The following SYNM variants were observed in gnomAD, a reference collection of about 807,000 sequenced individuals.
SYNM encodes desmuslin.
A neutral mutation model predicts 104.0 loss-of-function variants in SYNM; 95 were observed. The observed-to-expected ratio is 0.91, with a 90% CI of 0.77 to 1.08. SYNM has a LOEUF of 1.08. Ranked by LOEUF, SYNM falls within the 50% of genes least tolerant of loss-of-function variation. SYNM has a pLI of 0.00. For synonymous variants in SYNM, 918 were observed against 869.0 expected, an observed-to-expected ratio of 1.06 and a Z score of -0.99; for missense variants, 2,150 against 2,052.2, an observed-to-expected ratio of 1.05 and a Z score of -0.92.
intron 2 of SYNM, among the ~76,000 whole-genome samples, chr15:99,120,441 C>A (rs1356814617): frequency 3.9e-5 from 6 of 152,136 alleles, no homozygotes; most frequent in Non-Finnish European, 7.4e-5. Flanking sequence ...GAGGACTGTG[C>A]TAGTGTGGTA....
intron 1 of SYNM, among the ~76,000 whole-genome samples, chr15:99,107,916 A>G (rs1555482979): frequency 6.7e-6 from 1 of 148,612 alleles, no homozygotes; most frequent in African/African-American, 2.5e-5. Flanking sequence ...GAAAATGTCA[A>G]TAAGGACCTG....
At chr15:99,118,377 CATTTGATCTCT>C (rs2067369803) in intron 2 of SYNM, among the ~76,000 whole-genome samples, 1 of 152,216 alleles carries the variant, frequency 6.6e-6, no homozygotes, top group South Asian at 2.1e-4. Context: ...CTAAAGTGCT[CATTTGATCTCT>C]GCAAACCTTG....
intron 1 of SYNM, among the ~76,000 whole-genome samples, chr15:99,106,408 C>T (rs2067244311): frequency 6.6e-6 from 1 of 152,194 alleles, no homozygotes; most frequent in African/African-American, 2.4e-5. Context: ...GCAGAAGTGA[C>T]GGCTTATGGT....
rs556235391 is a variant in SYNM at position 99,105,316 on chromosome 15, G to A, written c.117G>A (p.Leu39=). Residue 39 remains leucine (L), a synonymous_variant, in exon 1 of 4, where the codon CTG becomes CTA. Transcript: ENST00000336292. ...VRELERENLL[L]EEELRGRRGR... ...AGCTGGAGCGCGAAAACCTACTCCT[G>A]GAGGAGGAGCTGCGCGGCCGGCGCG... The A allele has an allele frequency of 5.3e-4, 821 of 1,545,734 alleles. 1 individual carries two copies. The highest frequency in any genetic ancestry group is 6.7e-4 in the Non-Finnish European group (768 of 1,146,756).
At position 99,118,973 on chromosome 15, in the gene SYNM, G is replaced by C. The variant is rs1180807720; in HGVS notation, c.935+5258G>C. Among the ~76,000 whole-genome samples, 7 of 152,386 alleles carry C rather than the reference G, an allele frequency of 4.6e-5. No individual in the cohort carries two copies. The East Asian group carries it at 1.3e-3, about 29-fold the overall frequency. On this transcript the variant is annotated intron_variant, in intron 2 of 3. Coordinates refer to ENST00000336292, the MANE Select transcript of SYNM (RefSeq NM_145728.3). Reference sequence around the variant, plus strand: ...AGAGAGGAGACACACCCTGCCTGCAGCTGGCACCAGGCTGTACTGGCTCTT... The same window carrying C: ...AGAGAGGAGACACACCCTGCCTGCACCTGGCACCAGGCTGTACTGGCTCTT...
chr15:99,140,229 G>A (rs2068068873), downstream of SYNM: 2 of 153,546 alleles, frequency 1.3e-5, no homozygotes, highest in Admixed American at 6.4e-5. Context: ...CAATAAATGG[G>A]TACTGGGACC....
At chr15:99,137,955 A>G, downstream of SYNM, 10 of 1,608,932 alleles carry the variant, frequency 6.2e-6, no homozygotes, top group African/African-American at 1.3e-5. Flanking sequence ...TGATTTGTAC[A>G]GCACCCTAAA....
In SYNM at chr15:99,105,329, C is replaced by A. The variant is rs2067220370; in HGVS notation, c.130C>A (p.Arg44Ser). 3 of 1,541,046 alleles carry A rather than the reference C, an allele frequency of 1.9e-6. No individual in the cohort carries two copies. Among genetic ancestry groups the A allele is most frequent in the Non-Finnish European group, 8.7e-7 (1 of 1,145,694 alleles). ...AAACCTACTCCTGGAGGAGGAGCTG[C>A]GCGGCCGGCGCGGGCGAGAGGGCCT... The part of the protein sequence containing the change: ...RENLLLEEEL[R>S]GRRGREGLWA... Residue 44 changes from arginine (R) to serine (S), a missense_variant, in exon 1 of 4, where the codon CGC becomes AGC. Transcript: ENST00000336292.
At position 99,132,319 on chromosome 15, in the gene SYNM, C is replaced by T. The variant is rs377458434; in HGVS notation, c.3959C>T (p.Thr1320Ile). 68 of 1,612,170 alleles carry T rather than the reference C, an allele frequency of 4.2e-5. No homozygotes were observed. Among genetic ancestry groups the T allele is most frequent in the Non-Finnish European group, 5.3e-5 (63 of 1,178,522 alleles). Residue 1320 changes from threonine to isoleucine, a missense_variant, in exon 4 of 4, where the codon ACC becomes ATC. Physicochemically the swap from Thr to Ile is moderately conservative, Grantham distance 89. Coordinates refer to ENST00000336292, the MANE Select transcript of SYNM (RefSeq NM_145728.3). Reference sequence around the variant, plus strand: ...AGCATTGGGCCTCAGAGGCATCAGACCACCCAGCAGATAGTTTACCATGGG... The same window carrying T: ...AGCATTGGGCCTCAGAGGCATCAGATCACCCAGCAGATAGTTTACCATGGG... ...HISIGPQRHQ[T>I]TQQIVYHGLV...
In SYNM at chr15:99,131,165, C is replaced by G. The variant is rs782731235; in HGVS notation, c.2805C>G (p.Thr935=). The G allele has an allele frequency of 6.2e-7, 1 of 1,605,040 alleles. No homozygotes were observed. Among genetic ancestry groups the G allele is most frequent in the Non-Finnish European group, 8.5e-7 (1 of 1,175,662 alleles). ...KEIKIPHEFH[T]SMKGISSKEP... is the part of the protein sequence containing the mutation. Reference sequence around the variant, plus strand: ...TTAAAATACCCCACGAATTCCACACCTCCATGAAGGGCATCTCCTCCAAGG... The same window carrying G: ...TTAAAATACCCCACGAATTCCACACGTCCATGAAGGGCATCTCCTCCAAGG... The change falls in exon 4 of 4, where the codon ACC becomes ACG. Residue 935 remains threonine, a synonymous_variant. Coordinates refer to ENST00000336292, the MANE Select transcript of SYNM (RefSeq NM_145728.3). This position sits in a 1 kb window ranked among gnomAD's most constrained non-coding sequence, Gnocchi z 4.3.
intron 1 of SYNM, among the ~76,000 whole-genome samples, chr15:99,109,776 G>C (rs2067284160): frequency 6.6e-6 from 1 of 152,170 alleles, no homozygotes; most frequent in Non-Finnish European, 1.5e-5. Flanking sequence ...CCCTTGACCT[G>C]AGAGGCCTTC....
In SYNM at chr15:99,129,644, C is replaced by T; in HGVS notation, c.1284C>T (p.Phe428=). 6.2e-7 allele frequency: 1 copy of T among 1,613,972 alleles called. No homozygotes were observed. Among genetic ancestry groups the T allele is most frequent in the Non-Finnish European group, 8.5e-7 (1 of 1,179,900 alleles). Residue 428 remains phenylalanine (F), a synonymous_variant, in exon 4 of 4, where the codon TTC becomes TTT. Coordinates refer to ENST00000336292, the MANE Select transcript of SYNM (RefSeq NM_145728.3). The part of the protein sequence containing the change: ...AVSSQTNVRT[F]SPTYGLLRNT... ...GCAGTCAAACCAACGTCAGAACTTTCTCTCCAACCTATGGCCTTTTAAGAA... is the reference window on the plus strand; with the variant it reads ...GCAGTCAAACCAACGTCAGAACTTTTTCTCCAACCTATGGCCTTTTAAGAA...
Position 99,131,720 on chromosome 15 carries a change from G to A in SYNM, c.3360G>A (p.Val1120=), listed in dbSNP as rs781855371. The A allele has an allele frequency of 3.7e-6, 6 of 1,613,764 alleles. No individual in the cohort carries two copies. In the East Asian group the frequency reaches 1.1e-4, roughly 30 times the overall value. ...GFAQSQVLED[V]SQAARHIKLG... ...CCCAGTCACAGGTGCTGGAGGATGT[G>A]AGCCAGGCTGCAAGGCACATAAAAC... The change falls in exon 4 of 4, where the codon GTG becomes GTA. Residue 1120 remains valine (V), a synonymous_variant. Coordinates refer to ENST00000336292, the MANE Select transcript of SYNM (RefSeq NM_145728.3). The surrounding 1 kb of genome is among the most constrained non-coding windows in gnomAD (Gnocchi z 4.3).
chr15:99,139,396 G>C (rs1567301792), downstream of SYNM: 1 of 1,614,186 alleles, frequency 6.2e-7, no homozygotes, highest in African/African-American at 1.3e-5. Flanking sequence ...TGGATCTGGA[G>C]ACACTGTAGA....
downstream of SYNM, chr15:99,140,492 C>T (rs1555489823): frequency 6.6e-6 from 1 of 152,076 alleles, no homozygotes; most frequent in Non-Finnish European, 1.5e-5. Context: ...GCCTCAGCCT[C>T]CCGAGTAGCT....
intron 1 of SYNM, among the ~76,000 whole-genome samples, chr15:99,107,374 T>C (rs1048974184): frequency 6.6e-6 from 1 of 152,192 alleles, no homozygotes; most frequent in Non-Finnish European, 1.5e-5. Context: ...AATGTGGCAT[T>C]CATGGAGATT....
rs74032235 is a variant in SYNM at position 99,117,291 on chromosome 15, C to T, written c.935+3576C>T. 2.8e-3 allele frequency among the ~76,000 whole-genome samples: 427 copies of T among 152,284 alleles called. 3 individuals carry two copies. The highest frequency in any genetic ancestry group is 9.7e-3 in the African/African-American group (404 of 41,554). ...CTCCAGGCTTAGGGCCACCCAGTCT[C>T]GTGCCCGTGGTCATCCTCTCGGCCT... On this transcript the variant is annotated intron_variant, in intron 2 of 3. Coordinates refer to ENST00000336292, the MANE Select transcript of SYNM (RefSeq NM_145728.3).
At chr15:99,138,156 G>A, downstream of SYNM, 7 of 1,610,072 alleles carry the variant, frequency 4.3e-6, no homozygotes, top group South Asian at 4.4e-5. Flanking sequence ...TGGGGTGAGT[G>A]TGGTGCCCCT....
chr15:99,116,804 G>A (rs1555484018), intron 2 of SYNM, among the ~76,000 whole-genome samples: 2 of 143,682 alleles, frequency 1.4e-5, no homozygotes, highest in Non-Finnish European at 3.1e-5. Flanking sequence ...AGCCTCCCGA[G>A]TAGCTGGGAC....
Sources: allele counts gnomAD v4.1 joint callset (sites outside exome capture counted in the v4.1 genomes callset), GRCh38; gene constraint gnomAD v4.1.1; non-coding constraint Gnocchi (gnomAD v3.1); transcripts MANE v1.5; gene names NCBI Gene and HGNC (gene_info 2026-07-23, HGNC 2026-07-21).